The following NKAIN2 variants were observed in gnomAD, a reference collection of about 807,000 sequenced individuals.
NKAIN2 encodes sodium/potassium transporting ATPase interacting 2.
NKAIN2 carries 14 observed loss-of-function variants against 32.6 expected under a neutral mutation model. The ratio of observed to expected loss-of-function variants is 0.43; its 90% CI spans 0.28 to 0.67. The LOEUF (loss-of-function observed/expected upper bound fraction) is 0.67. Among genes scored for constraint, NKAIN2 ranks in the 30% least tolerant of loss-of-function variants. NKAIN2 has a pLI of 0.17. For missense variants in NKAIN2, 198 were observed against 258.3 expected, an observed-to-expected ratio of 0.77 and a Z score of 1.60; for synonymous variants, 80 against 87.2, an observed-to-expected ratio of 0.92 and a Z score of 0.46.
At chr6:124,409,735 T>TG (rs1774063351) in intron 3 of NKAIN2, among the ~76,000 whole-genome samples, 1 of 152,242 alleles carries the variant, frequency 6.6e-6, no homozygotes, top group South Asian at 2.1e-4. Context: ...ATTCCCTCTT[T>TG]TTCTATTGAT....
At chr6:124,014,997 A>G (rs909777455) in intron 1 of NKAIN2, among the ~76,000 whole-genome samples, 24 of 152,164 alleles carry the variant, frequency 1.6e-4, no homozygotes, top group African/African-American at 5.8e-4. Flanking sequence ...AGTTTTTATG[A>G]TGACGTTTTT....
chr6:124,370,113 T>C (rs1052268986), intron 3 of NKAIN2, among the ~76,000 whole-genome samples: 2 of 151,260 alleles, frequency 1.3e-5, no homozygotes, highest in African/African-American at 4.9e-5. Flanking sequence ...ACATTGAAAA[T>C]GCAATTGAAC....
chr6:124,672,289 G>T (rs545931094), intron 4 of NKAIN2, among the ~76,000 whole-genome samples: 1 of 152,128 alleles, frequency 6.6e-6, no homozygotes, highest in South Asian at 2.1e-4. Flanking sequence ...AGAATATTGG[G>T]CATGAAATAA....
chr6:124,463,491 C>T (rs1776616044), intron 3 of NKAIN2, among the ~76,000 whole-genome samples: 1 of 152,086 alleles, frequency 6.6e-6, no homozygotes, highest in African/African-American at 2.4e-5. Context: ...TTCCCTACAA[C>T]ATAACACCTG....
At chr6:123,942,272 A>G (rs1776860068) in intron 1 of NKAIN2, among the ~76,000 whole-genome samples, 1 of 152,026 alleles carries the variant, frequency 6.6e-6, no homozygotes, top group African/African-American at 2.4e-5. Context: ...TAATCAAATG[A>G]ATGACTAATA....
rs117555192 is a variant in NKAIN2 at position 124,617,590 on chromosome 6, C to T, written c.274-40596C>T. Among the ~76,000 whole-genome samples the T allele has an allele frequency of 1.8e-4, 28 of 152,264 alleles. No homozygotes were observed. The East Asian group carries it at 4.4e-3, about 24-fold the overall frequency. ...AGCTCATATTATGGTATTTCCTAGG[C>T]ATACATTAGCTGCCTTATTTGCTGA... is the stretch of plus-strand genomic sequence containing the variant. On this transcript the variant is annotated intron_variant, in intron 3 of 6. Coordinates refer to ENST00000368417, the MANE Select transcript of NKAIN2 (RefSeq NM_001040214.3).
intron 1 of NKAIN2, among the ~76,000 whole-genome samples, chr6:124,165,126 TC>T (rs1307091435): frequency 6.6e-6 from 1 of 152,132 alleles, no homozygotes. Context: ...TTAGTGGTAA[TC>T]TGTGTCTGTG....
At chr6:124,026,169 T>A (rs933004072) in intron 1 of NKAIN2, among the ~76,000 whole-genome samples, 35 of 152,168 alleles carry the variant, frequency 2.3e-4, no homozygotes, top group African/African-American at 8.2e-4. Flanking sequence ...GGTTTTTGGG[T>A]CTTTATTTTT....
chr6:123,856,130 C>T (rs966405126), intron 1 of NKAIN2, among the ~76,000 whole-genome samples: 1 of 152,078 alleles, frequency 6.6e-6, no homozygotes, highest in Non-Finnish European at 1.5e-5. Context: ...ATTTGTATGG[C>T]CTGTTTATTT....
At chr6:124,147,019 G>A (rs1360900949) in intron 1 of NKAIN2, among the ~76,000 whole-genome samples, 1 of 152,076 alleles carries the variant, frequency 6.6e-6, no homozygotes, top group African/African-American at 2.4e-5. Flanking sequence ...TATTACATCT[G>A]TTTTTTGAAT....
At chr6:123,889,828 T>C (rs2114367121) in intron 1 of NKAIN2, among the ~76,000 whole-genome samples, 1 of 152,286 alleles carries the variant, frequency 6.6e-6, no homozygotes, top group South Asian at 2.1e-4. Flanking sequence ...TAAAAGAGTT[T>C]CTGTTTCTTC....
At chr6:124,305,279 A>C (rs1301639385) in intron 2 of NKAIN2, among the ~76,000 whole-genome samples, 1 of 152,190 alleles carries the variant, frequency 6.6e-6, no homozygotes, top group Non-Finnish European at 1.5e-5. Flanking sequence ...GTAGAGAGAT[A>C]CTTAATGTGA....
intron 1 of NKAIN2, chr6:124,282,368 C>A: frequency 3.6e-6 from 1 of 278,536 alleles, no homozygotes; most frequent in Non-Finnish European, 6.9e-6. Flanking sequence ...CCAGGTATGA[C>A]AAAACATCAT....
chr6:123,941,955 G>C (rs555541932), intron 1 of NKAIN2, among the ~76,000 whole-genome samples: 8 of 151,936 alleles, frequency 5.3e-5, no homozygotes, highest in African/African-American at 1.7e-4. Flanking sequence ...CTGTGGTTCT[G>C]CAATCCACCC....
At chr6:124,785,779 C>G (rs1035794985) in intron 4 of NKAIN2, among the ~76,000 whole-genome samples, 4 of 152,162 alleles carry the variant, frequency 2.6e-5, no homozygotes, top group African/African-American at 9.7e-5. Context: ...GGGTGGCGGA[C>G]TGGCCTCAGT....
chr6:124,341,334 T>C (rs2115083690), intron 2 of NKAIN2, among the ~76,000 whole-genome samples: 1 of 152,106 alleles, frequency 6.6e-6, no homozygotes, highest in African/African-American at 2.4e-5. Flanking sequence ...CTGAAAAAAA[T>C]CAGGTAACAG....
intron 3 of NKAIN2, among the ~76,000 whole-genome samples, chr6:124,645,260 G>A (rs979563679): frequency 6.6e-5 from 10 of 152,082 alleles, no homozygotes; most frequent in Admixed American, 4.6e-4. Context: ...ATTTGGAAGT[G>A]GAAGGAATGT....
chr6:124,356,627 G>A (rs1166881888), intron 3 of NKAIN2, among the ~76,000 whole-genome samples: 1 of 152,108 alleles, frequency 6.6e-6, no homozygotes, highest in Non-Finnish European at 1.5e-5. Context: ...GCCTTTTCAG[G>A]AAGGTGCCGT....
chr6:124,502,980 A>G (rs1455185154), intron 3 of NKAIN2, among the ~76,000 whole-genome samples: 2 of 152,280 alleles, frequency 1.3e-5, no homozygotes, highest in Non-Finnish European at 2.9e-5. Context: ...TCTTGCCTGA[A>G]TTAGAAAAAA....
Sources: gnomAD v4.1 joint callset for allele counts (sites outside exome capture counted in the v4.1 genomes callset) on GRCh38, gnomAD v4.1.1 for gene constraint, MANE v1.5 for transcripts, NCBI Gene and HGNC (gene_info 2026-07-23, HGNC 2026-07-21) for gene names.